NDUFB9: variants seen among roughly 807,000 people sequenced by gnomAD.
NDUFB9 encodes the protein NADH dehydrogenase [ubiquinone] 1 beta subcomplex subunit 9.
A neutral mutation model predicts 30.2 loss-of-function variants in NDUFB9; 24 were observed. That is an observed-to-expected ratio of 0.80 (90% CI 0.58 to 1.12). The LOEUF is 1.12. NDUFB9 is among the 50% of genes most tolerant of loss of function. The pLI, the probability that NDUFB9 is intolerant of heterozygous loss-of-function variation, is 0.00. For missense variants in NDUFB9, 204 were observed against 226.0 expected, an observed-to-expected ratio of 0.90 and a Z score of 0.62; for synonymous variants, 80 against 84.0, an observed-to-expected ratio of 0.95 and a Z score of 0.26.
chr8:124,545,508 G>C (rs1015584953), intron 2 of NDUFB9, among the ~76,000 whole-genome samples: 5 of 152,136 alleles, frequency 3.3e-5, no homozygotes, highest in Non-Finnish European at 7.4e-5. Flanking sequence ...ATGATTGTTG[G>C]CAGTTTTTAT....
intron 3 of NDUFB9, 42 bp downstream of exon 3, chr8:124,547,155 T>C: frequency 3.3e-6 from 5 of 1,499,980 alleles, no homozygotes; most frequent in Non-Finnish European, 4.6e-6. Context: ...GCTATGTAGA[T>C]GGAGTGAAGT....
In NDUFB9 at chr8:124,543,236, A is replaced by G. The variant is rs1028737029; in HGVS notation, c.251A>G (p.Asp84Gly). Reference protein sequence around the residue: ...RQHPQPYIFPDSPGGTSYERY... With the variant: ...RQHPQPYIFPGSPGGTSYERY... ...CATCCACAGCCATACATCTTCCCTG[A>G]CTCTCCTGGGGGCACCTCCTATGAG... Residue 84 changes from aspartate (D) to glycine (G), a missense_variant, in exon 2 of 4, where the codon GAC (aspartate) becomes GGC (glycine). Transcript: ENST00000276689. The G allele has an allele frequency of 5.0e-6, 8 of 1,613,988 alleles. No homozygotes were observed. Among genetic ancestry groups the G allele is most frequent in the Non-Finnish European group, 6.8e-6 (8 of 1,179,986 alleles).
chr8:124,539,169 G>C lies in NDUFB9; in HGVS notation c.-18G>C, dbSNP rs199613912. 2 of 1,613,922 alleles carry C rather than the reference G, an allele frequency of 1.2e-6. No homozygotes were observed. Among genetic ancestry groups the C allele is most frequent in the Non-Finnish European group, 8.5e-7 (1 of 1,179,902 alleles). On this transcript the variant is annotated 5_prime_UTR_variant, in exon 1 of 4. Coordinates refer to ENST00000276689, the MANE Select transcript of NDUFB9 (RefSeq NM_005005.3). ...AGTTTCCCGGCTCTCCGCGCGGCCG[G>C]GGAAGGTCAGCGCCGTAATGGCGTT...
intron 1 of NDUFB9, among the ~76,000 whole-genome samples, chr8:124,541,638 A>G (rs1821993288): frequency 6.6e-6 from 1 of 152,046 alleles, no homozygotes; most frequent in Non-Finnish European, 1.5e-5. Flanking sequence ...AGTTTCGCTT[A>G]TGTTGCCCAG....
chr8:124,545,817 C>T (rs1392555071), intron 2 of NDUFB9, among the ~76,000 whole-genome samples: 1 of 151,942 alleles, frequency 6.6e-6, no homozygotes, highest in East Asian at 1.9e-4. Context: ...GCAGGAGCCA[C>T]CTCACCCAAC....
At chr8:124,545,396 G>A (rs1319075031) in intron 2 of NDUFB9, among the ~76,000 whole-genome samples, 3 of 152,268 alleles carry the variant, frequency 2.0e-5, no homozygotes, top group Admixed American at 1.3e-4. Flanking sequence ...AATTGCCAAA[G>A]CCACTCCAGC....
At chr8:124,542,500 C>G (rs928520862) in intron 1 of NDUFB9, among the ~76,000 whole-genome samples, 1 of 152,330 alleles carries the variant, frequency 6.6e-6, no homozygotes, top group African/African-American at 2.4e-5. Context: ...TCCGTACTTT[C>G]AGGCCCTCGT....
At chr8:124,542,298 C>A (rs950631441) in intron 1 of NDUFB9, among the ~76,000 whole-genome samples, 5 of 151,864 alleles carry the variant, frequency 3.3e-5, no homozygotes, top group Non-Finnish European at 5.9e-5. Context: ...GTGATCCACA[C>A]GCCTTGGCCT....
chr8:124,539,167 C>A lies in NDUFB9; in HGVS notation c.-20C>A. 1 of 1,613,938 alleles carries A rather than the reference C, an allele frequency of 6.2e-7. No individual in the cohort carries two copies. Among genetic ancestry groups the A allele is most frequent in the Non-Finnish European group, 8.5e-7 (1 of 1,179,810 alleles). On this transcript the variant is annotated 5_prime_UTR_variant, in exon 1 of 4. Transcript: ENST00000276689. ...GCAGTTTCCCGGCTCTCCGCGCGGCCGGGGAAGGTCAGCGCCGTAATGGCG... is the reference window on the plus strand; with the variant it reads ...GCAGTTTCCCGGCTCTCCGCGCGGCAGGGGAAGGTCAGCGCCGTAATGGCG...
intron 2 of NDUFB9, among the ~76,000 whole-genome samples, chr8:124,544,813 A>G (rs533987692): frequency 9.9e-5 from 15 of 151,858 alleles, no homozygotes; most frequent in African/African-American, 3.4e-4. Flanking sequence ...TATATTTTGC[A>G]TAGTTATAGT....
chr8:124,543,060 T>C (rs1259380961), intron 1 of NDUFB9, 27 bp from the exon 2 acceptor site: 1 of 1,610,960 alleles, frequency 6.2e-7, no homozygotes, highest in Non-Finnish European at 8.5e-7. Context: ...GTAACATTTC[T>C]AATCTTCAAA....
In NDUFB9 at chr8:124,539,146, T is replaced by C. The variant is rs770392414; in HGVS notation, c.-41T>C. 4.3e-6 allele frequency: 7 copies of C among 1,613,582 alleles called. No individual in the cohort carries two copies. The highest frequency in any genetic ancestry group is 1.6e-4 in the Middle Eastern group (1 of 6,082). On this transcript the variant is annotated 5_prime_UTR_variant, in exon 1 of 4. Coordinates refer to ENST00000276689, the MANE Select transcript of NDUFB9 (RefSeq NM_005005.3). ...TCAGTCACCCGCAGCAGGCGTGCAGTTTCCCGGCTCTCCGCGCGGCCGGGG... is the reference window on the plus strand; with the variant it reads ...TCAGTCACCCGCAGCAGGCGTGCAGCTTCCCGGCTCTCCGCGCGGCCGGGG...
At position 124,549,899 on chromosome 8, in the gene NDUFB9, A is replaced by G. The variant is rs1015052189; in HGVS notation, c.*7A>G. On this transcript the variant is annotated 3_prime_UTR_variant, in exon 4 of 4. Transcript: ENST00000276689. ...CCGGGAGCGGCCCATGTAGAAAGAG[A>G]GAGACCTCATCTTTCATGCTTGCAA... 3.7e-6 allele frequency: 6 copies of G among 1,614,018 alleles called. No individual in the cohort carries two copies. The African/African-American group carries it at 6.7e-5, about 18-fold the overall frequency.
In NDUFB9 at chr8:124,543,384, A is replaced by C. The variant is rs138048817; in HGVS notation, c.294+105A>C. 81 of 1,186,122 alleles carry C rather than the reference A, an allele frequency of 6.8e-5. No individual in the cohort carries two copies. In the African/African-American group the frequency reaches 9.5e-4, roughly 14 times the overall value. 73.5% of individuals were successfully genotyped at this position (1,186,122 alleles called of 1,614,324 possible). ...TTGCCCTTCAAGGGGTAGCTAGGAG[A>C]CTTATTTCCTGACAGTTGTCAGATG... On this transcript the variant is annotated intron_variant, in intron 2 of 3. Coordinates refer to ENST00000276689, the MANE Select transcript of NDUFB9 (RefSeq NM_005005.3).
intron 2 of NDUFB9, chr8:124,546,609 T>C (rs2131611757): frequency 3.5e-6 from 1 of 281,990 alleles, no homozygotes; most frequent in East Asian, 8.9e-5. Context: ...TACAGTATAC[T>C]TTTTGCTATA....
Position 124,549,772 on chromosome 8 carries a change from G to A in NDUFB9, c.420G>A (p.Leu140=). 1 of 1,614,136 alleles carries A rather than the reference G, an allele frequency of 6.2e-7. No homozygotes were observed. The highest frequency in any genetic ancestry group is 8.5e-7 in the Non-Finnish European group (1 of 1,180,008). ...TTGCCTCCTTCTAGGTTAAGCAGCTGCAGGAGGAAACGCCACCTGGTGGTC... is the reference window on the plus strand; with the variant it reads ...TTGCCTCCTTCTAGGTTAAGCAGCTACAGGAGGAAACGCCACCTGGTGGTC... ...RESWEREVKQ[L]QEETPPGGPL... Residue 140 remains leucine (L), a synonymous_variant, in exon 4 of 4, where the codon CTG becomes CTA. Coordinates refer to ENST00000276689, the MANE Select transcript of NDUFB9 (RefSeq NM_005005.3).
rs762235847 is a variant in NDUFB9 at position 124,543,167 on chromosome 8, C to T, written c.182C>T (p.Thr61Ile). Residue 61 changes from threonine to isoleucine, a missense_variant, in exon 2 of 4, where the codon ACC becomes ATC. Thr to Ile is a moderately conservative substitution (Grantham distance 89). Transcript: ENST00000276689. ...HKNEKDMAKA[T>I]QLLKEAEEEF... ...AATGAAAAGGATATGGCGAAGGCCA[C>T]CCAGCTGCTGAAGGAGGCCGAGGAA... The T allele has an allele frequency of 2.8e-5, 46 of 1,614,090 alleles. No homozygotes were observed. Among genetic ancestry groups the T allele is most frequent in the Non-Finnish European group, 2.6e-5 (31 of 1,180,026 alleles).
At position 124,543,176 on chromosome 8, in the gene NDUFB9, T is replaced by C. The variant is rs776388520; in HGVS notation, c.191T>C (p.Leu64Pro). The C allele has an allele frequency of 5.6e-6, 9 of 1,614,096 alleles. No individual in the cohort carries two copies. Among genetic ancestry groups the C allele is most frequent in the Middle Eastern group, 1.6e-4 (1 of 6,084 alleles). Residue 64 changes from leucine to proline, a missense_variant, in exon 2 of 4, where the codon CTG (leucine) becomes CCG (proline). By Grantham distance (98) the Leu-to-Pro change is moderately conservative. Coordinates refer to ENST00000276689, the MANE Select transcript of NDUFB9 (RefSeq NM_005005.3). The stretch of plus-strand genomic sequence containing the variant: ...GATATGGCGAAGGCCACCCAGCTGC[T>C]GAAGGAGGCCGAGGAAGAATTCTGG... ...EKDMAKATQLLKEAEEEFWYR... is the reference protein window; with the variant it reads ...EKDMAKATQLPKEAEEEFWYR...
intron 2 of NDUFB9, among the ~76,000 whole-genome samples, chr8:124,544,230 G>A (rs1371854138): frequency 2.0e-5 from 3 of 152,152 alleles, no homozygotes; most frequent in African/African-American, 7.2e-5. Flanking sequence ...AGATGAGGAA[G>A]CTGCAGAAAA....
Sources: allele counts gnomAD v4.1 joint callset (sites outside exome capture counted in the v4.1 genomes callset), GRCh38; gene constraint gnomAD v4.1.1; transcripts MANE v1.5; gene names NCBI Gene and HGNC (gene_info 2026-07-23, HGNC 2026-07-21).